The following PHF14 variants were observed in gnomAD, a reference collection of about 807,000 sequenced individuals.
PHF14 encodes the protein PHD finger protein 14.
PHF14 carries 55 observed loss-of-function variants against 117.9 expected under a neutral mutation model. The observed-to-expected ratio is 0.47, with a 90% confidence interval of 0.38 to 0.58. The LOEUF (loss-of-function observed/expected upper bound fraction) is 0.58. Among genes scored for constraint, PHF14 ranks in the 20% least tolerant of loss-of-function variants. PHF14 has a pLI of 0.00. For missense variants in PHF14, 978 were observed against 1,122.2 expected (o/e 0.87, Z 1.84); for synonymous variants, 409 against 368.6 (o/e 1.11, Z -1.26).
chr7:11,118,578 AACTT>A (rs1194435964), intron 17 of PHF14, among the ~76,000 whole-genome samples: 2 of 151,822 alleles, frequency 1.3e-5, no homozygotes, highest in African/African-American at 4.8e-5. Flanking sequence ...TCCTGAATTG[AACTT>A]ATTAGTCATC....
chr7:11,146,317 T>G (rs1309477954), intron 17 of PHF14, among the ~76,000 whole-genome samples: 1 of 152,192 alleles, frequency 6.6e-6, no homozygotes, highest in Non-Finnish European at 1.5e-5. Context: ...AATTTCTTTT[T>G]CAATATTTTC....
intron 17 of PHF14, among the ~76,000 whole-genome samples, chr7:11,163,269 C>G (rs966958981): frequency 6.6e-6 from 1 of 152,144 alleles, no homozygotes; most frequent in South Asian, 2.1e-4. Flanking sequence ...ATTAAATATG[C>G]AACTTGTATC....
At chr7:11,152,628 G>T (rs1788732927) in intron 17 of PHF14, among the ~76,000 whole-genome samples, 1 of 151,972 alleles carries the variant, frequency 6.6e-6, no homozygotes, top group African/African-American at 2.4e-5. Context: ...ATAGGAATAA[G>T]ACTAACTTAT....
intron 13 of PHF14, among the ~76,000 whole-genome samples, chr7:11,044,431 T>A (rs1352912221): frequency 6.6e-6 from 1 of 152,146 alleles, no homozygotes; most frequent in Non-Finnish European, 1.5e-5. Flanking sequence ...TGTTAGTGGT[T>A]TTTAAGTAAA....
At chr7:11,092,658 T>A (rs1029008188) in intron 16 of PHF14, among the ~76,000 whole-genome samples, 1 of 152,164 alleles carries the variant, frequency 6.6e-6, no homozygotes, top group South Asian at 2.1e-4. Flanking sequence ...TGCCCACATA[T>A]CACTCATCTA....
chr7:11,068,604 A>T (rs935956567), intron 16 of PHF14, among the ~76,000 whole-genome samples: 1 of 152,112 alleles, frequency 6.6e-6, no homozygotes, highest in African/African-American at 2.4e-5. Context: ...CTGGAGATGG[A>T]TGGTGGGGAT....
intron 5 of PHF14, among the ~76,000 whole-genome samples, chr7:11,014,348 A>G (rs1783451863): frequency 6.6e-6 from 1 of 152,194 alleles, no homozygotes; most frequent in South Asian, 2.1e-4. Flanking sequence ...AAGCTGTGAT[A>G]AAAGAGTCAC....
At chr7:11,002,793 G>C (rs530806445) in intron 4 of PHF14, among the ~76,000 whole-genome samples, 51 of 152,058 alleles carry the variant, frequency 3.4e-4, no homozygotes, top group Non-Finnish European at 5.7e-4. Context: ...GCAAACACAG[G>C]AAAGAAGAGG....
intron 17 of PHF14, among the ~76,000 whole-genome samples, chr7:11,147,339 T>A (rs1283631289): frequency 6.6e-6 from 1 of 152,202 alleles, no homozygotes; most frequent in Non-Finnish European, 1.5e-5. Flanking sequence ...ATTCTTTTGG[T>A]CTTTCCATTA....
In PHF14 at chr7:10,990,770, G is replaced by T. The variant is rs373331105; in HGVS notation, c.968G>T (p.Cys323Phe). 1 of 1,581,496 alleles carries T rather than the reference G, an allele frequency of 6.3e-7. No homozygotes were observed. The highest frequency in any genetic ancestry group is 1.3e-5 in the African/African-American group (1 of 74,468). ...SQKMDHILIC[C>F]VCLGDNSEDA... ...AAAATGGACCATATTCTGATTTGCTGTGTTTGTCTGGGAGATAATAGTGAG... is the reference window on the plus strand; with the variant it reads ...AAAATGGACCATATTCTGATTTGCTTTGTTTGTCTGGGAGATAATAGTGAG... The change falls in exon 4 of 18, where the codon TGT (cysteine) becomes TTT (phenylalanine). Residue 323 changes from cysteine (C) to phenylalanine (F), a missense_variant. Physicochemically the swap from Cys to Phe is radical, Grantham distance 205 (BLOSUM62 -2). This residue lies in a region of PHF14 where 414 missense variants were observed against 376.4 expected (regional missense o/e 1.10). Transcript: ENST00000634607.
At chr7:11,082,555 A>G in intron 16 of PHF14, among the ~76,000 whole-genome samples, 1 of 152,218 alleles carries the variant, frequency 6.6e-6, no homozygotes, top group East Asian at 1.9e-4. Context: ...TTTCTGATTT[A>G]TAAATTCAGC....
chr7:11,068,019 GCATA>G (rs1032846244), intron 16 of PHF14, among the ~76,000 whole-genome samples: 1 of 152,098 alleles, frequency 6.6e-6, no homozygotes, highest in African/African-American at 2.4e-5. Flanking sequence ...CCAAACCATA[GCATA>G]CATACAGTAG....
At chr7:11,149,543 A>C (rs1029754645) in intron 17 of PHF14, among the ~76,000 whole-genome samples, 3 of 152,186 alleles carry the variant, frequency 2.0e-5, no homozygotes, top group Admixed American at 2.0e-4. Context: ...AATCTATTGC[A>C]ACTTGCCTTG....
At chr7:11,147,367 C>T (rs892772537) in intron 17 of PHF14, among the ~76,000 whole-genome samples, 3 of 152,122 alleles carry the variant, frequency 2.0e-5, no homozygotes, top group African/African-American at 7.2e-5. Flanking sequence ...AAGATGGCTG[C>T]TACAACTCCA....
At chr7:11,143,601 T>C (rs2128351773) in intron 17 of PHF14, among the ~76,000 whole-genome samples, 1 of 152,298 alleles carries the variant, frequency 6.6e-6, no homozygotes, top group Admixed American at 6.5e-5. Flanking sequence ...ATAAAAGTCA[T>C]GACCTACCTT....
At chr7:11,052,771 A>G (rs1784887089) in intron 14 of PHF14, among the ~76,000 whole-genome samples, 1 of 152,134 alleles carries the variant, frequency 6.6e-6, no homozygotes, top group Non-Finnish European at 1.5e-5. Flanking sequence ...GGAAATGTGT[A>G]TGCAAGCCTT....
intron 17 of PHF14, among the ~76,000 whole-genome samples, chr7:11,159,219 A>C (rs975128890): frequency 6.6e-6 from 1 of 151,864 alleles, no homozygotes; most frequent in Non-Finnish European, 1.5e-5. Context: ...AGTGATGTTA[A>C]GATTGTTATA....
At chr7:11,006,043 C>T (rs187467684) in intron 4 of PHF14, among the ~76,000 whole-genome samples, 35 of 152,074 alleles carry the variant, frequency 2.3e-4, no homozygotes, top group South Asian at 6.2e-4. Context: ...CTGCCCACCT[C>T]GGCCTCCCAA....
chr7:10,991,759 A>ATTTTTTTTTTTTTTTTTTTTTTTTATT (rs71023881), intron 4 of PHF14, among the ~76,000 whole-genome samples: 2 of 111,042 alleles, frequency 1.8e-5, no homozygotes, highest in Non-Finnish European at 3.4e-5. Flanking sequence ...TAATTTTTTA[A>ATTTTTTTTTTTTTTTTTTTTTTTTATT]TTTTTTTTTT....
Sources: allele counts gnomAD v4.1 joint callset (sites outside exome capture counted in the v4.1 genomes callset), GRCh38; gene constraint gnomAD v4.1.1; regional missense constraint gnomAD v4.1.1; transcripts MANE v1.5; gene names NCBI Gene and HGNC (gene_info 2026-07-23, HGNC 2026-07-21).